PXT1: variants seen among roughly 807,000 people sequenced by gnomAD.
The protein encoded by PXT1 is peroxisomal testis enriched protein 1.
In PXT1, 11 loss-of-function variants were observed where a neutral mutation model predicts 11.0. The observed-to-expected ratio is 1.00, with a 90% CI of 0.63 to 1.66. PXT1 has a LOEUF of 1.66. PXT1 is among the 40% of genes most tolerant of loss of function. PXT1 has a pLI of 0.00. For missense variants in PXT1, 141 were observed against 155.5 expected, an observed-to-expected ratio of 0.91 and a Z score of 0.49; for synonymous variants, 43 against 51.4, an observed-to-expected ratio of 0.84 and a Z score of 0.70.
intron 3 of PXT1, among the ~76,000 whole-genome samples, chr6:36,423,254 T>C (rs921428830): frequency 1.3e-5 from 2 of 151,962 alleles, no homozygotes; most frequent in African/African-American, 4.8e-5. Context: ...TCAGTAAGAG[T>C]TTTCCTCTGG....
chr6:36,412,884 C>T (rs1582258495), intron 3 of PXT1, among the ~76,000 whole-genome samples: 1 of 146,558 alleles, frequency 6.8e-6, no homozygotes, highest in Non-Finnish European at 1.5e-5. Context: ...ATTAAAAATA[C>T]AATTGATAGC....
intron 3 of PXT1, among the ~76,000 whole-genome samples, chr6:36,415,218 G>T (rs186262781): frequency 1.2e-4 from 19 of 152,192 alleles, no homozygotes; most frequent in African/African-American, 4.3e-4. Context: ...TGAGGCAAGT[G>T]GATCATCTGA....
At chr6:36,437,779 G>T (rs1460463220) in intron 2 of PXT1, among the ~76,000 whole-genome samples, 1 of 142,992 alleles carries the variant, frequency 7.0e-6, no homozygotes, top group Non-Finnish European at 1.5e-5. Context: ...GCCTCCCAAT[G>T]TGCTGGGATT....
intron 2 of PXT1, among the ~76,000 whole-genome samples, chr6:36,437,842 T>A (rs1365791948): frequency 5.7e-5 from 6 of 105,368 alleles, no homozygotes; most frequent in African/African-American, 1.2e-4. Context: ...TTTTTTTTTT[T>A]AGAGTCTTGC....
intron 2 of PXT1, among the ~76,000 whole-genome samples, chr6:36,431,567 G>A (rs74326290): frequency 0.024 from 3,656 of 152,230 alleles, 47 homozygotes; most frequent in Non-Finnish European, 0.027. Context: ...AGGAGTTCAG[G>A]AACAGCCTGG....
At chr6:36,409,112 ATTTTGTT>A (rs1774331065) in intron 3 of PXT1, among the ~76,000 whole-genome samples, 1 of 152,236 alleles carries the variant, frequency 6.6e-6, no homozygotes, top group East Asian at 1.9e-4. Flanking sequence ...TATACTCCTG[ATTTTGTT>A]CACTAAAAAT....
At position 36,425,913 on chromosome 6, in the gene PXT1, C is replaced by T. The variant is rs961575158; in HGVS notation, c.169+1G>A. On this transcript the variant is annotated splice_donor_variant, in intron 3 of 4. Transcript: ENST00000454782. LOFTEE classifies it high-confidence loss of function. Reference sequence around the variant, plus strand: ...ATCTTAGTTTAATCCAAATATCTTACCTGGGTTCCTTGACATGGCTGGAAC... The same window carrying T: ...ATCTTAGTTTAATCCAAATATCTTATCTGGGTTCCTTGACATGGCTGGAAC... 6.5e-7 allele frequency: 1 copy of T among 1,532,202 alleles called. No homozygotes were observed. The highest frequency in any genetic ancestry group is 1.4e-5 in the African/African-American group (1 of 72,864). 94.9% of individuals were successfully genotyped at this position (1,532,202 alleles called of 1,614,324 possible). A position where few individuals can be genotyped will look rare whatever the true frequency, so the allele number is the denominator to read the frequency against.
At chr6:36,414,087 A>G (rs1173354408) in intron 3 of PXT1, among the ~76,000 whole-genome samples, 1 of 152,238 alleles carries the variant, frequency 6.6e-6, no homozygotes, top group Non-Finnish European at 1.5e-5. Flanking sequence ...TTTCTTCCAT[A>G]CACCATTTGT....
At chr6:36,439,911 G>C (rs1368318586) in intron 1 of PXT1, among the ~76,000 whole-genome samples, 4 of 152,090 alleles carry the variant, frequency 2.6e-5, no homozygotes, top group African/African-American at 9.7e-5. Context: ...GACCAGCCTG[G>C]GCAATATAGT....
chr6:36,412,497 T>TA (rs1314492563), intron 3 of PXT1, among the ~76,000 whole-genome samples: 2 of 149,814 alleles, frequency 1.3e-5, no homozygotes, highest in African/African-American at 2.5e-5. Context: ...CCGTCTCTAC[T>TA]AAAAATGCAA....
intron 2 of PXT1, among the ~76,000 whole-genome samples, chr6:36,436,956 G>A (rs1294491080): frequency 6.6e-6 from 1 of 151,988 alleles, no homozygotes; most frequent in Non-Finnish European, 1.5e-5. Flanking sequence ...AAAATTTTGG[G>A]GTGCAATTGT....
At position 36,442,275 on chromosome 6, in the gene PXT1, C is replaced by T. The variant is rs182617992; in HGVS notation, c.-130+260G>A. Among the ~76,000 whole-genome samples the T allele has an allele frequency of 3.6e-3, 542 of 152,098 alleles. 3 individuals are homozygous for T. Among genetic ancestry groups the T allele is most frequent in the African/African-American group, 0.012 (510 of 41,488 alleles). On this transcript the variant is annotated intron_variant, in intron 1 of 4. Coordinates refer to ENST00000454782, the MANE Select transcript of PXT1 (RefSeq NM_152990.4). ...AATGCCCAACCTCAGGTGATCTGCC[C>T]GCCTCGGCCTCCCAAAGTGCAAGGA...
chr6:36,404,818 C>T lies in PXT1; in HGVS notation c.170-4234G>A, dbSNP rs542898751. Among the ~76,000 whole-genome samples the T allele has an allele frequency of 3.4e-4, 52 of 152,104 alleles. 1 individual carries two copies. In the South Asian group the frequency reaches 8.3e-3, roughly 24 times the overall value. On this transcript the variant is annotated intron_variant, in intron 3 of 4. Coordinates refer to ENST00000454782, the MANE Select transcript of PXT1 (RefSeq NM_152990.4). Reference sequence around the variant, plus strand: ...ATTAAAAATACAAAAATTAGCCGGGCGTGGTGGCATGCACTTGTAATCCCA... The same window carrying T: ...ATTAAAAATACAAAAATTAGCCGGGTGTGGTGGCATGCACTTGTAATCCCA...
intron 2 of PXT1, among the ~76,000 whole-genome samples, chr6:36,429,440 G>A (rs929087444): frequency 3.5e-5 from 5 of 144,036 alleles, no homozygotes; most frequent in African/African-American, 1.3e-4. Flanking sequence ...ACTGGTTTAT[G>A]TTAGGTATCT....
chr6:36,440,367 G>A (rs559490742), intron 1 of PXT1, among the ~76,000 whole-genome samples: 10 of 152,132 alleles, frequency 6.6e-5, no homozygotes, highest in Admixed American at 4.6e-4. Context: ...TCAGGAGATC[G>A]AGACCATCTT....
chr6:36,438,494 G>A (rs1363015513), intron 2 of PXT1, among the ~76,000 whole-genome samples: 2 of 152,124 alleles, frequency 1.3e-5, no homozygotes, highest in Admixed American at 1.3e-4. Context: ...CGTGATCTTA[G>A]CTAACTGCAA....
At chr6:36,430,878 G>A (rs776301195) in intron 2 of PXT1, among the ~76,000 whole-genome samples, 3 of 151,968 alleles carry the variant, frequency 2.0e-5, no homozygotes, top group South Asian at 4.1e-4. Context: ...GCAGTGCCGC[G>A]ATCTTGGCTC....
At chr6:36,402,530 G>A (rs1316737924) in intron 3 of PXT1, among the ~76,000 whole-genome samples, 1 of 152,168 alleles carries the variant, frequency 6.6e-6, no homozygotes, top group Non-Finnish European at 1.5e-5. Context: ...AGATGGGTCA[G>A]GAAGACATCT....
chr6:36,390,855 G>T lies in PXT1; in HGVS notation c.*915C>A, dbSNP rs1055233822. On this transcript the variant is annotated 3_prime_UTR_variant, in exon 5 of 5. Transcript: ENST00000454782. ...AAAACCATCCAGCAATAGGAAAAGA[G>T]AAGTTTTTGCCTAGTGATAGATTCA... 3 of 152,250 alleles carry T rather than the reference G, an allele frequency of 2.0e-5. No individual in the cohort carries two copies. The highest frequency in any genetic ancestry group is 3.8e-4 in the East Asian group (2 of 5,196). The allele number at this position is 152,250 out of a possible 1,614,324, so 9.4% of individuals were successfully genotyped here. A position where few individuals can be genotyped will look rare whatever the true frequency, so the allele number is the denominator to read the frequency against.
Sources: gnomAD v4.1 joint callset for allele counts (sites outside exome capture counted in the v4.1 genomes callset) on GRCh38, gnomAD v4.1.1 for gene constraint, MANE v1.5 for transcripts, NCBI Gene and HGNC (gene_info 2026-07-23, HGNC 2026-07-21) for gene names.